Variants in NAV2 observed in about 807,000 individuals in gnomAD.
The protein encoded by NAV2 is neuron navigator 2, also known as helicase, APC down-regulated 1.
In NAV2, 54 loss-of-function variants were observed where a neutral mutation model predicts 223.2. The ratio of observed to expected loss-of-function variants is 0.24; its 90% CI spans 0.19 to 0.30. The LOEUF is 0.30. Among genes scored for constraint, NAV2 ranks in the 10% least tolerant of loss-of-function variants. The pLI is 1.00. For missense variants in NAV2, 2,806 were observed against 3,147.5 expected, an observed-to-expected ratio of 0.89 and a Z score of 2.60; for synonymous variants, 1,279 against 1,239.3, an observed-to-expected ratio of 1.03 and a Z score of -0.67.
intron 1 of NAV2, among the ~76,000 whole-genome samples, chr11:19,696,991 C>G (rs981865745): frequency 7.2e-5 from 11 of 152,266 alleles, no homozygotes; most frequent in Admixed American, 7.2e-4. Context: ...TTGGTTGAGT[C>G]GCTTGCCCGA....
intron 1 of NAV2, among the ~76,000 whole-genome samples, chr11:19,553,224 C>T (rs938313886): frequency 6.6e-6 from 1 of 152,196 alleles, no homozygotes; most frequent in African/African-American, 2.4e-5. Flanking sequence ...GAACCTTTGT[C>T]TAGAAAGCCC....
chr11:19,948,650 C>G (rs771594424), intron 9 of NAV2, 41 bp from the exon 10 acceptor site: 2 of 1,514,182 alleles, frequency 1.3e-6, no homozygotes, highest in Non-Finnish European at 1.8e-6. Flanking sequence ...GTGAAGGATA[C>G]TAGGTACCTT....
rs116331128 is a variant in NAV2 at position 19,645,544 on chromosome 11, A to G, written c.76-186940A>G. Among the ~76,000 whole-genome samples, 355 of 152,236 alleles carry G rather than the reference A, an allele frequency of 2.3e-3. 1 individual carries two copies. Among genetic ancestry groups the G allele is most frequent in the African/African-American group, 8.3e-3 (345 of 41,548 alleles). ...GGACCTGGTATAGGTTTGGGGTGATAAGGATGCCAGATATTCACCATCCCT... is the reference window on the plus strand; with the variant it reads ...GGACCTGGTATAGGTTTGGGGTGATGAGGATGCCAGATATTCACCATCCCT... On this transcript the variant is annotated intron_variant, in intron 1 of 37. Coordinates refer to the NAV2 transcript ENST00000360655.
chr11:19,627,040 G>T (rs531375999), intron 1 of NAV2, among the ~76,000 whole-genome samples: 3 of 152,300 alleles, frequency 2.0e-5, no homozygotes, highest in African/African-American at 7.2e-5. Context: ...GTGCTAAAGT[G>T]GTGTTTGAAG....
At chr11:20,008,066 G>A (rs913018309) in intron 11 of NAV2, among the ~76,000 whole-genome samples, 9 of 152,190 alleles carry the variant, frequency 5.9e-5, no homozygotes, top group Non-Finnish European at 1.2e-4. Context: ...GTCAGCCTGT[G>A]TATTTTAAGT....
At chr11:19,720,227 G>A (rs1337762478) in intron 1 of NAV2, among the ~76,000 whole-genome samples, 1 of 152,248 alleles carries the variant, frequency 6.6e-6, no homozygotes, top group Admixed American at 6.5e-5. Context: ...TGGACAATGT[G>A]TTCCTAGAAT....
chr11:19,750,787 A>G (rs1393506710), intron 1 of NAV2, among the ~76,000 whole-genome samples: 2 of 152,176 alleles, frequency 1.3e-5, no homozygotes, highest in African/African-American at 4.8e-5. Flanking sequence ...TTGAGAATTC[A>G]TTTCTATACA....
At chr11:19,830,681 C>T (rs1380160508) in intron 1 of NAV2, among the ~76,000 whole-genome samples, 3 of 152,344 alleles carry the variant, frequency 2.0e-5, no homozygotes, top group African/African-American at 7.2e-5. Flanking sequence ...ACAAAACATA[C>T]CCAAATCCCT....
At chr11:19,474,311 G>A (rs1012692681) in intron 1 of NAV2, among the ~76,000 whole-genome samples, 4 of 152,218 alleles carry the variant, frequency 2.6e-5, no homozygotes, top group Non-Finnish European at 4.4e-5. Context: ...ATGAACCATA[G>A]TGAGGCTGTA....
At chr11:20,056,220 C>T (rs1349049475) in intron 19 of NAV2, among the ~76,000 whole-genome samples, 4 of 152,182 alleles carry the variant, frequency 2.6e-5, no homozygotes, top group Non-Finnish European at 4.4e-5. Flanking sequence ...GACTGAGGTC[C>T]GCTTTAGGCT....
At chr11:19,514,788 AG>A (rs1257324508) in intron 1 of NAV2, among the ~76,000 whole-genome samples, 4 of 151,928 alleles carry the variant, frequency 2.6e-5, no homozygotes, top group Non-Finnish European at 4.4e-5. Context: ...AAGAGGGAAA[AG>A]CTTTGGACTC....
In NAV2 at chr11:19,643,331, C is replaced by T. The variant is rs2047719785; in HGVS notation, c.76-189153C>T. ...CCTCCCCCCTCCCCCCACCCCACGA[C>T]AGGCCCCAGTGTGTGATGTTCCCCT... On this transcript the variant is annotated intron_variant, in intron 1 of 37. Transcript: ENST00000360655. Among the ~76,000 whole-genome samples the T allele has an allele frequency of 2.5e-5, 3 of 119,104 alleles. No homozygotes were observed. The South Asian group carries it at 1.0e-3, about 41-fold the overall frequency. 78.1% of individuals were successfully genotyped at this position (119,104 alleles called of 152,430 possible).
At chr11:19,360,155 C>A (rs1004438092) in intron 1 of NAV2, among the ~76,000 whole-genome samples, 1 of 152,228 alleles carries the variant, frequency 6.6e-6, no homozygotes, top group African/African-American at 2.4e-5. Flanking sequence ...CCTTGGCCCC[C>A]ATCCTGTCTT....
chr11:19,489,270 C>T (rs1465307721), intron 1 of NAV2, among the ~76,000 whole-genome samples: 1 of 152,106 alleles, frequency 6.6e-6, no homozygotes, highest in Non-Finnish European at 1.5e-5. Context: ...ACCCTGAGAC[C>T]CAACATTGTT....
intron 8 of NAV2, among the ~76,000 whole-genome samples, chr11:19,944,267 G>A (rs992664783): frequency 1.3e-5 from 2 of 152,168 alleles, no homozygotes; most frequent in Admixed American, 6.5e-5. Flanking sequence ...CTGTGTCCTA[G>A]CTTGTGTGTG....
intron 1 of NAV2, among the ~76,000 whole-genome samples, chr11:19,609,499 C>T (rs1590669819): frequency 2.6e-5 from 4 of 152,188 alleles, no homozygotes; most frequent in Admixed American, 2.0e-4. Context: ...AAAAGTATTA[C>T]AGGTGAGGGA....
chr11:19,678,007 G>A (rs1438443739), intron 1 of NAV2, among the ~76,000 whole-genome samples: 3 of 152,186 alleles, frequency 2.0e-5, no homozygotes, highest in Admixed American at 6.5e-5. Flanking sequence ...TTGAGGAGAA[G>A]AGAATCCATC....
At chr11:19,842,986 T>A (rs1313966198) in intron 3 of NAV2, 63 bp downstream of exon 3, 1 of 1,361,574 alleles carries the variant, frequency 7.3e-7, no homozygotes. Context: ...CTAAGTGATA[T>A]TGACCATCTT....
At chr11:19,346,372 G>T (rs1180213368), upstream of NAV2, among the ~76,000 whole-genome samples, 6 of 152,206 alleles carry the variant, frequency 3.9e-5, no homozygotes, top group South Asian at 1.2e-3. Flanking sequence ...CAAGCCGGGG[G>T]CAACTAGGCC....
Sources: gnomAD v4.1 joint callset for allele counts (sites outside exome capture counted in the v4.1 genomes callset) on GRCh38, gnomAD v4.1.1 for gene constraint, MANE v1.5 for transcripts, NCBI Gene and HGNC (gene_info 2026-07-23, HGNC 2026-07-21) for gene names.